AADAT: variants seen among roughly 807,000 people sequenced by gnomAD.
The protein encoded by AADAT is kynurenine/alpha-aminoadipate aminotransferase, mitochondrial.
AADAT carries 25 observed loss-of-function variants against 56.2 expected under a neutral mutation model. That is an observed-to-expected ratio of 0.44 (90% CI 0.32 to 0.62). The LOEUF (loss-of-function observed/expected upper bound fraction) is 0.62, where lower values mean the gene tolerates loss of function less well. AADAT is among the 20% of genes least tolerant of loss of function. AADAT has a pLI of 0.04. For synonymous variants in AADAT, 173 were observed against 164.7 expected (o/e 1.05, Z -0.39); for missense variants, 387 against 510.5 (o/e 0.76, Z 2.33).
intron 3 of AADAT, among the ~76,000 whole-genome samples, chr4:170,079,276 T>C (rs1181814897): frequency 2.0e-5 from 3 of 152,076 alleles, no homozygotes; most frequent in African/African-American, 7.2e-5. Flanking sequence ...AAAACCAAAA[T>C]AATTATGTGT....
At chr4:170,072,269 ATGTG>A (rs1050967969) in intron 5 of AADAT, among the ~76,000 whole-genome samples, 4 of 144,428 alleles carry the variant, frequency 2.8e-5, no homozygotes, top group East Asian at 3.9e-4. Context: ...ATGTATATAT[ATGTG>A]TGTGTGTGTA....
intron 10 of AADAT, among the ~76,000 whole-genome samples, chr4:170,065,798 G>A (rs1022784557): frequency 1.3e-5 from 2 of 152,178 alleles, no homozygotes; most frequent in Non-Finnish European, 2.9e-5. Context: ...ACTGCACTCA[G>A]CCACTAATTC....
In AADAT at chr4:170,061,947, GGAGCT is replaced by G; in HGVS notation, c.1176_1180del (p.Ala393Ter). ...GAAGGATGCTCTCAAGTAAGGGCTA[GGAGCT>G]GAGCTATCGACGTAGAAAGCATTTC... On this transcript the variant is annotated frameshift_variant, in exon 12 of 13. Coordinates refer to ENST00000337664, the MANE Select transcript of AADAT (RefSeq NM_016228.4). LOFTEE classifies it high-confidence loss of function. The G allele has an allele frequency of 6.2e-7, 1 of 1,613,292 alleles. No individual in the cohort carries two copies. The highest frequency in any genetic ancestry group is 8.5e-7 in the Non-Finnish European group (1 of 1,179,530).
chr4:170,093,973 A>T (rs919223496), upstream of AADAT, among the ~76,000 whole-genome samples: 5 of 152,224 alleles, frequency 3.3e-5, no homozygotes, highest in Non-Finnish European at 5.9e-5. Flanking sequence ...ACACAATTTA[A>T]GGAAGCCAAA....
intron 9 of AADAT, 39 bp from the exon 10 acceptor site, chr4:170,066,517 A>C: frequency 1.3e-6 from 2 of 1,496,426 alleles, no homozygotes; most frequent in Non-Finnish European, 1.9e-6. Flanking sequence ...TGCTCAGTAC[A>C]TTGATTGCAG....
chr4:170,083,955 T>C (rs1732433827), intron 3 of AADAT, among the ~76,000 whole-genome samples: 1 of 152,188 alleles, frequency 6.6e-6, no homozygotes, highest in East Asian at 1.9e-4. Flanking sequence ...ATGGCACTTA[T>C]TCACAATAGC....
chr4:170,087,556 G>A (rs910979766), intron 2 of AADAT, among the ~76,000 whole-genome samples: 4 of 152,170 alleles, frequency 2.6e-5, no homozygotes, highest in Non-Finnish European at 4.4e-5. Flanking sequence ...TTGCATAATC[G>A]ATTCTTTGTT....
chr4:170,078,422 TATA>T (rs1391604822), intron 4 of AADAT, 84 bp downstream of exon 4: 1 of 699,516 alleles, frequency 1.4e-6, no homozygotes, highest in African/African-American at 1.8e-5. Context: ...TTAACTTTAT[TATA>T]ATAAAGTTAT....
At chr4:170,086,930 G>A (rs115833217) in intron 3 of AADAT, among the ~76,000 whole-genome samples, 186 bp downstream of exon 3, 86 of 144,366 alleles carry the variant, frequency 6.0e-4, no homozygotes, top group African/African-American at 2.0e-3. Flanking sequence ...GCCCATCCCC[G>A]GCCACAACTG....
At chr4:170,085,650 G>T (rs921314557) in intron 3 of AADAT, among the ~76,000 whole-genome samples, 3 of 152,118 alleles carry the variant, frequency 2.0e-5, no homozygotes, top group Admixed American at 2.0e-4. Context: ...CTTGAGGAAA[G>T]AATTTATTTC....
chr4:170,063,104 T>C (rs1226519151), intron 11 of AADAT, among the ~76,000 whole-genome samples: 1 of 152,172 alleles, frequency 6.6e-6, no homozygotes, highest in Non-Finnish European at 1.5e-5. Context: ...TGGAGTACTC[T>C]GGGCAAAAGA....
intron 1 of AADAT, 97 bp downstream of exon 1, chr4:170,089,527 T>C: frequency 7.2e-7 from 1 of 1,387,126 alleles, no homozygotes; most frequent in Non-Finnish European, 1.0e-6. Context: ...GGGGTACGCA[T>C]GGATGCAACC....
At chr4:170,086,739 T>C (rs1012875403) in intron 3 of AADAT, among the ~76,000 whole-genome samples, 1 of 152,194 alleles carries the variant, frequency 6.6e-6, no homozygotes, top group African/African-American at 2.4e-5. Flanking sequence ...TCTGGGTAAT[T>C]GACCACATGC....
intron 4 of AADAT, among the ~76,000 whole-genome samples, chr4:170,074,541 C>G (rs1731944623): frequency 6.6e-6 from 1 of 152,002 alleles, no homozygotes; most frequent in South Asian, 2.1e-4. Flanking sequence ...ATATATAAAA[C>G]AGTCACAAGC....
At chr4:170,087,410 G>A (rs994370797) in intron 2 of AADAT, among the ~76,000 whole-genome samples, 162 bp from the exon 3 acceptor site, 7 of 152,128 alleles carry the variant, frequency 4.6e-5, no homozygotes, top group Non-Finnish European at 1.0e-4. Context: ...TAAAAGATAG[G>A]CAGTAGACTT....
chr4:170,078,142 A>G (rs1732126518), intron 4 of AADAT, among the ~76,000 whole-genome samples: 1 of 152,198 alleles, frequency 6.6e-6, no homozygotes, highest in African/African-American at 2.4e-5. Flanking sequence ...CATATAACAT[A>G]GTTGTACTTA....
At position 170,068,695 on chromosome 4, in the gene AADAT, G is replaced by C. The variant is rs908047481; in HGVS notation, c.804-8C>G. On this transcript the variant is annotated splice_polypyrimidine_tract_variant and splice_region_variant and intron_variant, in intron 7 of 12. Transcript: ENST00000337664. ...AAAAATCCTATTCTCAACCTACGTG[G>C]AAAGAGAAAAGGCACGATACCAATT... The C allele has an allele frequency of 1.9e-6, 3 of 1,566,202 alleles. No homozygotes were observed. The African/African-American group carries it at 4.1e-5, about 22-fold the overall frequency.
At chr4:170,088,859 C>T (rs1315400961) in intron 1 of AADAT, among the ~76,000 whole-genome samples, 1 of 152,112 alleles carries the variant, frequency 6.6e-6, no homozygotes, top group South Asian at 2.1e-4. Flanking sequence ...CCTTCTGCCA[C>T]GTGAGGACAT....
chr4:170,091,140 G>A (rs1215837650), upstream of AADAT, among the ~76,000 whole-genome samples: 2 of 152,226 alleles, frequency 1.3e-5, no homozygotes, highest in Non-Finnish European at 2.9e-5. Context: ...GCGCTTGAGG[G>A]GCCCTTCAGC....
Sources: gnomAD v4.1 joint callset for allele counts (sites outside exome capture counted in the v4.1 genomes callset) on GRCh38, gnomAD v4.1.1 for gene constraint, MANE v1.5 for transcripts, NCBI Gene and HGNC (gene_info 2026-07-23, HGNC 2026-07-21) for gene names.